The following CADPS2 variants were observed in gnomAD, a reference collection of about 807,000 sequenced individuals.
CADPS2 encodes calcium-dependent secretion activator 2.
CADPS2 carries 93 observed loss-of-function variants against 172.5 expected under a neutral mutation model. The ratio of observed to expected loss-of-function variants is 0.54; its 90% CI spans 0.46 to 0.64. CADPS2 has a LOEUF of 0.64. Among genes scored for constraint, CADPS2 ranks in the 30% least tolerant of loss-of-function variants. The pLI is 0.00. For missense variants in CADPS2, 1,420 were observed against 1,565.9 expected (o/e 0.91, Z 1.57); for synonymous variants, 546 against 555.2 (o/e 0.98, Z 0.23).
chr7:122,783,012 T>A (rs1793130403), intron 1 of CADPS2, among the ~76,000 whole-genome samples: 1 of 151,958 alleles, frequency 6.6e-6, no homozygotes, highest in African/African-American at 2.4e-5. Context: ...ATAAACAGCA[T>A]ATATCCTAGC....
chr7:122,477,001 A>AGG, intron 12 of CADPS2, among the ~76,000 whole-genome samples: 1 of 36,126 alleles, frequency 2.8e-5, no homozygotes, highest in Non-Finnish European at 5.9e-5. Flanking sequence ...GGGAGGGGAG[A>AGG]GGAGAGGAGA....
chr7:122,742,567 T>C (rs1409165266), intron 1 of CADPS2, among the ~76,000 whole-genome samples: 1 of 152,160 alleles, frequency 6.6e-6, no homozygotes, highest in Non-Finnish European at 1.5e-5. Context: ...AACAGAGAGA[T>C]AAGTGAGAGG....
chr7:122,658,357 A>G (rs2080079075), intron 3 of CADPS2, among the ~76,000 whole-genome samples: 1 of 71,894 alleles, frequency 1.4e-5, no homozygotes. Context: ...CTAGAACTAG[A>G]AATACCATTC....
chr7:122,556,981 T>C (rs1221363069), intron 7 of CADPS2, among the ~76,000 whole-genome samples: 3 of 152,086 alleles, frequency 2.0e-5, no homozygotes, highest in Non-Finnish European at 2.9e-5. Flanking sequence ...CTCCCTATCA[T>C]ATGTATATCT....
chr7:122,419,618 T>C (rs2048321499), intron 17 of CADPS2, among the ~76,000 whole-genome samples: 2 of 152,158 alleles, frequency 1.3e-5, no homozygotes, highest in Non-Finnish European at 2.9e-5. Flanking sequence ...AAGTTGTCTA[T>C]AAACCAAACA....
At position 122,319,687 on chromosome 7, in the gene CADPS2, C is replaced by G. The variant is rs1162346948; in HGVS notation, c.*478G>C. On this transcript the variant is annotated 3_prime_UTR_variant, in exon 30 of 30. Transcript: ENST00000449022. Reference sequence around the variant, plus strand: ...AATAGCAAATTAAGTACAAAACGAACCTGGCACATAAATTATAATTTGTAA... The same window carrying G: ...AATAGCAAATTAAGTACAAAACGAAGCTGGCACATAAATTATAATTTGTAA... The G allele has an allele frequency of 6.6e-6, 1 of 152,370 alleles. No homozygotes were observed. The highest frequency in any genetic ancestry group is 6.5e-5 in the Admixed American group (1 of 15,274). The allele number at this position is 152,370 out of a possible 1,614,324, so 9.4% of individuals were successfully genotyped here. A position where few individuals can be genotyped will look rare whatever the true frequency, so the allele number is the denominator to read the frequency against.
chr7:122,662,292 A>G (rs1350531257), intron 3 of CADPS2, among the ~76,000 whole-genome samples: 4 of 152,206 alleles, frequency 2.6e-5, no homozygotes, highest in Non-Finnish European at 5.9e-5. Flanking sequence ...CAAAATGCAA[A>G]TATAGAAGGA....
intron 2 of CADPS2, among the ~76,000 whole-genome samples, chr7:122,676,968 T>G (rs946692466): frequency 6.6e-6 from 1 of 152,220 alleles, no homozygotes; most frequent in Non-Finnish European, 1.5e-5. Flanking sequence ...CTTCCATTTC[T>G]TTCAAGAACA....
chr7:122,588,358 C>T (rs1339479712), intron 6 of CADPS2, among the ~76,000 whole-genome samples: 1 of 151,946 alleles, frequency 6.6e-6, no homozygotes, highest in Non-Finnish European at 1.5e-5. Flanking sequence ...TTTAATCCAT[C>T]TTGAGTTAAT....
At chr7:122,509,748 G>A (rs1282182577) in intron 9 of CADPS2, among the ~76,000 whole-genome samples, 1 of 152,142 alleles carries the variant, frequency 6.6e-6, no homozygotes, top group South Asian at 2.1e-4. Context: ...TCCTGAGTAA[G>A]TTCCATAACC....
At chr7:122,608,933 A>ACC (rs2073945466) in intron 6 of CADPS2, among the ~76,000 whole-genome samples, 1 of 152,050 alleles carries the variant, frequency 6.6e-6, no homozygotes, top group African/African-American at 2.4e-5. Context: ...CACACCTGTA[A>ACC]CCCCAGCACT....
intron 1 of CADPS2, among the ~76,000 whole-genome samples, chr7:122,843,104 T>C (rs1201691379): frequency 6.6e-6 from 1 of 152,178 alleles, no homozygotes; most frequent in Non-Finnish European, 1.5e-5. Flanking sequence ...AGAATTAGCT[T>C]AGGATACCGA....
At chr7:122,597,853 A>G (rs2072096148) in intron 6 of CADPS2, among the ~76,000 whole-genome samples, 1 of 152,074 alleles carries the variant, frequency 6.6e-6, no homozygotes, top group South Asian at 2.1e-4. Flanking sequence ...TCTATTAAGC[A>G]TATCTTTCAA....
chr7:122,421,515 CT>C (rs1183787990), intron 17 of CADPS2, among the ~76,000 whole-genome samples: 1 of 152,108 alleles, frequency 6.6e-6, no homozygotes, highest in Non-Finnish European at 1.5e-5. Flanking sequence ...TTCATTTCTT[CT>C]TTGGTTTTTA....
Position 122,733,564 on chromosome 7 carries a change from G to A in CADPS2, c.453+3391C>T, listed in dbSNP as rs146057450. On this transcript the variant is annotated intron_variant, in intron 2 of 29. Coordinates refer to ENST00000449022, the MANE Select transcript of CADPS2 (RefSeq NM_017954.11). ...AGATGGATCCCAAGTAGCTAACTAG[G>A]TTTACATTCAAATTGAGTCAAGTGG... is the stretch of plus-strand genomic sequence containing the variant. Among the ~76,000 whole-genome samples, 432 of 151,954 alleles carry A rather than the reference G, an allele frequency of 2.8e-3. 3 individuals carry two copies. Among genetic ancestry groups the A allele is most frequent in the Non-Finnish European group, 5.1e-3 (346 of 67,938 alleles).
intron 2 of CADPS2, among the ~76,000 whole-genome samples, chr7:122,665,436 C>CA (rs1185022494): frequency 6.6e-6 from 1 of 152,128 alleles, no homozygotes; most frequent in Non-Finnish European, 1.5e-5. Context: ...TCTGCATTGT[C>CA]AAATAAGATG....
intron 25 of CADPS2, among the ~76,000 whole-genome samples, chr7:122,361,986 T>C (rs960791546): frequency 1.6e-4 from 24 of 151,972 alleles, no homozygotes; most frequent in African/African-American, 5.3e-4. Flanking sequence ...GGCAGGAGAA[T>C]TGCCTGGGAG....
intron 17 of CADPS2, among the ~76,000 whole-genome samples, chr7:122,431,396 T>C (rs937037610): frequency 2.0e-5 from 3 of 151,918 alleles, no homozygotes; most frequent in East Asian, 1.9e-4. Flanking sequence ...ATAAGCGCTG[T>C]GGAAGAAAAT....
chr7:122,773,612 A>G lies in CADPS2; in HGVS notation c.340-36544T>C, dbSNP rs568154413. 2.0e-5 allele frequency among the ~76,000 whole-genome samples: 3 copies of G among 152,010 alleles called. No individual in the cohort carries two copies. In the East Asian group the frequency reaches 5.8e-4, roughly 29 times the overall value. On this transcript the variant is annotated intron_variant, in intron 1 of 29. Transcript: ENST00000449022. ...AAAAAAGGCTTCCTAAAAGAGCTGT[A>G]GGATTCATACAAACTATTTTTATTT...
Sources: allele counts gnomAD v4.1 joint callset (sites outside exome capture counted in the v4.1 genomes callset), GRCh38; gene constraint gnomAD v4.1.1; transcripts MANE v1.5; gene names NCBI Gene and HGNC (gene_info 2026-07-23, HGNC 2026-07-21).